DENND2B: variants seen among roughly 807,000 people sequenced by gnomAD.
DENND2B encodes the protein DENN domain containing 2B.
Under a neutral mutation model 116.0 loss-of-function variants are expected in DENND2B, and 32 were observed. The ratio of observed to expected loss-of-function variants is 0.28; its 90% CI spans 0.21 to 0.37. The LOEUF (loss-of-function observed/expected upper bound fraction) is 0.37, where lower values mean the gene tolerates loss of function less well. DENND2B is among the 10% of genes least tolerant of loss of function. The probability of loss-of-function intolerance (pLI) is 1.00; values close to 1 mark genes in which losing one functional copy is unlikely to be tolerated. For missense variants in DENND2B, 1,276 were observed against 1,477.7 expected, an observed-to-expected ratio of 0.86 and a Z score of 2.24; for synonymous variants, 588 against 583.9, an observed-to-expected ratio of 1.01 and a Z score of -0.10.
chr11:8,724,464 C>T (rs1397807823), intron 4 of DENND2B, among the ~76,000 whole-genome samples: 2 of 152,230 alleles, frequency 1.3e-5, no homozygotes, highest in African/African-American at 2.4e-5. Context: ...CAGCACACAG[C>T]CTCTCTCCTC....
At chr11:8,857,242 T>C (rs768215165) in intron 3 of DENND2B, 1 of 152,190 alleles carries the variant, frequency 6.6e-6, no homozygotes, top group Non-Finnish European at 1.5e-5. Context: ...TATACACATA[T>C]TGCCTGATAA....
chr11:8,794,705 A>T (rs550741945), intron 1 of DENND2B: 10 of 152,388 alleles, frequency 6.6e-5, no homozygotes, highest in African/African-American at 2.4e-4. Flanking sequence ...ACAGGTGCTG[A>T]AGTAGACAGC....
chr11:8,704,359 T>C (rs1379808437), intron 13 of DENND2B, among the ~76,000 whole-genome samples: 1 of 152,130 alleles, frequency 6.6e-6, no homozygotes. Context: ...CAAAAGGAAG[T>C]AGGGTTGAGG....
chr11:8,772,201 T>C (rs2057021166), intron 1 of DENND2B, among the ~76,000 whole-genome samples: 1 of 151,984 alleles, frequency 6.6e-6, no homozygotes, highest in African/African-American at 2.4e-5. Context: ...TGGCTGTTCC[T>C]GAGTTGTATC....
Position 8,750,648 on chromosome 11 carries a change from G to A in DENND2B, c.53C>T (p.Thr18Ile), listed in dbSNP as rs200712497. 6.2e-7 allele frequency: 1 copy of A among 1,614,130 alleles called. No homozygotes were observed. Among genetic ancestry groups the A allele is most frequent in the Non-Finnish European group, 8.5e-7 (1 of 1,180,018 alleles). The change falls in exon 2 of 20, where the codon ACT becomes ATT. Residue 18 changes from threonine (T) to isoleucine (I), a missense_variant. Thr to Ile is a moderately conservative substitution (Grantham distance 89). Coordinates refer to ENST00000313726, the MANE Select transcript of DENND2B (RefSeq NM_213618.2). ...NSSITHGAGGTKAPRGTLSRS... is the reference protein window; with the variant it reads ...NSSITHGAGGIKAPRGTLSRS... Reference sequence around the variant, plus strand: ...GCTCAGAGTCCCCCGAGGGGCTTTAGTGCCACCAGCTCCGTGGGTGATGCT... The same window carrying A: ...GCTCAGAGTCCCCCGAGGGGCTTTAATGCCACCAGCTCCGTGGGTGATGCT...
At chr11:8,829,811 T>C (rs1299496361) in intron 4 of DENND2B, among the ~76,000 whole-genome samples, 1 of 152,102 alleles carries the variant, frequency 6.6e-6, no homozygotes, top group African/African-American at 2.4e-5. Context: ...TCCCCTTCTA[T>C]AAAACAGAGC....
intron 3 of DENND2B, among the ~76,000 whole-genome samples, chr11:8,847,516 C>T (rs888973095): frequency 6.6e-6 from 1 of 151,922 alleles, no homozygotes; most frequent in African/African-American, 2.4e-5. Flanking sequence ...GATCAGTAAA[C>T]AGAGAAGAAT....
upstream of DENND2B, among the ~76,000 whole-genome samples, chr11:8,871,745 G>C (rs917556320): frequency 2.0e-5 from 3 of 152,134 alleles, no homozygotes; most frequent in Non-Finnish European, 4.4e-5. Flanking sequence ...CCACTGGTTT[G>C]CAAAAACAAA....
At chr11:8,708,488 C>T (rs1450107183) in intron 11 of DENND2B, 1 of 353,240 alleles carries the variant, frequency 2.8e-6, no homozygotes, top group Non-Finnish European at 4.0e-6. Context: ...AAAGATAAAG[C>T]CATTGCCTAA....
At chr11:8,697,263 C>T (rs2040529408) in intron 17 of DENND2B, among the ~76,000 whole-genome samples, 1 of 152,262 alleles carries the variant, frequency 6.6e-6, no homozygotes, top group Admixed American at 6.5e-5. Flanking sequence ...TGCCTTTCAT[C>T]TCCTGCAATG....
chr11:8,856,585 C>CA (rs895529261), intron 3 of DENND2B, among the ~76,000 whole-genome samples: 4 of 149,960 alleles, frequency 2.7e-5, no homozygotes, highest in Admixed American at 1.3e-4. Context: ...CACACGTGTC[C>CA]AAAAAAAAAT....
At chr11:8,901,017 C>T (rs2064160929) in intron 1 of DENND2B, among the ~76,000 whole-genome samples, 1 of 150,842 alleles carries the variant, frequency 6.6e-6, no homozygotes, top group Non-Finnish European at 1.5e-5. Flanking sequence ...TCCCAAAGTG[C>T]TGGAATTACA....
intron 2 of DENND2B, among the ~76,000 whole-genome samples, chr11:8,735,954 C>T (rs974561897): frequency 1.3e-5 from 2 of 152,158 alleles, no homozygotes; most frequent in African/African-American, 2.4e-5. Flanking sequence ...AACTGAGACT[C>T]GGAGGGAAAG....
chr11:8,801,642 A>T (rs1593902146), intron 1 of DENND2B, among the ~76,000 whole-genome samples: 1 of 148,926 alleles, frequency 6.7e-6, no homozygotes, highest in African/African-American at 2.5e-5. Flanking sequence ...GTGCCATTTC[A>T]CTCCAGCCTA....
chr11:8,856,066 G>C (rs1279451318), intron 3 of DENND2B, among the ~76,000 whole-genome samples: 1 of 152,314 alleles, frequency 6.6e-6, no homozygotes, highest in African/African-American at 2.4e-5. Flanking sequence ...AAGTGAACAG[G>C]CTGAACCAAC....
At chr11:8,866,563 G>T (rs2063588122) in intron 2 of DENND2B, among the ~76,000 whole-genome samples, 1 of 152,170 alleles carries the variant, frequency 6.6e-6, no homozygotes, top group South Asian at 2.1e-4. Context: ...AGAGGCTACA[G>T]AGAAAATAAA....
At chr11:8,752,115 C>T (rs760355377) in intron 1 of DENND2B, among the ~76,000 whole-genome samples, 2 of 152,156 alleles carry the variant, frequency 1.3e-5, no homozygotes, top group African/African-American at 2.4e-5. Flanking sequence ...AGTGTACCTT[C>T]GTGTATAATA....
chr11:8,773,130 C>T (rs2057171176), intron 1 of DENND2B, among the ~76,000 whole-genome samples: 1 of 152,210 alleles, frequency 6.6e-6, no homozygotes, highest in Admixed American at 6.5e-5. Flanking sequence ...GAGCAGACTT[C>T]AGGCCAGCCC....
intron 4 of DENND2B, among the ~76,000 whole-genome samples, chr11:8,723,301 T>C (rs2046509179): frequency 6.6e-6 from 1 of 152,230 alleles, no homozygotes. Flanking sequence ...GATACGTTCT[T>C]GGATCATCTG....
Sources: gnomAD v4.1 joint callset for allele counts (sites outside exome capture counted in the v4.1 genomes callset) on GRCh38, gnomAD v4.1.1 for gene constraint, MANE v1.5 for transcripts, NCBI Gene and HGNC (gene_info 2026-07-23, HGNC 2026-07-21) for gene names.